The following NINL variants were observed in gnomAD, a reference collection of about 807,000 sequenced individuals.
The protein encoded by NINL is ninein like, also known as ninein-like protein.
A neutral mutation model predicts 160.3 loss-of-function variants in NINL; 153 were observed. The observed-to-expected ratio is 0.95, with a 90% confidence interval of 0.84 to 1.09. The LOEUF (loss-of-function observed/expected upper bound fraction) is 1.09. Among genes scored for constraint, NINL ranks in the 50% least tolerant of loss-of-function variants. The pLI is 0.00. For missense variants in NINL, 1,829 were observed against 1,764.0 expected (o/e 1.04, Z -0.66); for synonymous variants, 800 against 734.8 (o/e 1.09, Z -1.43).
At chr20:25,558,319 TGCCTCAGCCTCCCAAGTAGCTGGGAG>T (rs1402152928) in intron 1 of NINL, among the ~76,000 whole-genome samples, 1 of 152,208 alleles carries the variant, frequency 6.6e-6, no homozygotes, top group Non-Finnish European at 1.5e-5. Flanking sequence ...GCGATTCTCC[TGCCTCAGCCTCCCAAGTAGCTGGGAG>T]GACACACACC....
At chr20:25,562,779 A>C (rs8182757) in intron 1 of NINL, among the ~76,000 whole-genome samples, 50,098 of 151,724 alleles carry the variant, frequency 0.33, 9,304 homozygotes, top group East Asian at 0.91. Context: ...AATAAAAAAA[A>C]AAAAACAAAA....
rs150405501 is a variant in NINL at position 25,526,523 on chromosome 20, G to A, written c.65C>T (p.Thr22Met). Residue 22 changes from threonine (T) to methionine (M), a missense_variant, in exon 2 of 24, where the codon ACG becomes ATG. Transcript: ENST00000278886. Reference protein sequence around the residue: ...LREVYSSCDTTGTGFLDRQEL... With the variant: ...LREVYSSCDTMGTGFLDRQEL... ...CTGGCGGTCCAGAAAGCCAGTCCCC[G>A]TGGTGTCGCAGCTGCTGTAGACTTC... is the stretch of plus-strand genomic sequence containing the variant. The A allele has an allele frequency of 2.4e-5, 39 of 1,614,102 alleles. No homozygotes were observed. In the East Asian group the frequency reaches 3.1e-4, roughly 13 times the overall value.
rs1395862730 is a variant in NINL, at chr20:25,490,114, G to C, written c.1486-129C>G. 3 of 824,916 alleles carry C rather than the reference G, an allele frequency of 3.6e-6. No homozygotes were observed. In the East Asian group the frequency reaches 7.6e-5, roughly 21 times the overall value. 51.1% of individuals were successfully genotyped at this position (824,916 alleles called of 1,614,324 possible). A position where few individuals can be genotyped will look rare whatever the true frequency, so the allele number is the denominator to read the frequency against. ...AAGAACCCCCACCCACCGCAGGCGA[G>C]GCACCTGGTGCTGTGCAGGCGGCTG... On this transcript the variant is annotated intron_variant, in intron 11 of 23. Coordinates refer to ENST00000278886, the MANE Select transcript of NINL (RefSeq NM_025176.6).
chr20:25,461,002 C>A (rs1011977468), intron 21 of NINL, among the ~76,000 whole-genome samples: 3 of 152,198 alleles, frequency 2.0e-5, no homozygotes, highest in Admixed American at 2.0e-4. Context: ...TCCCTGAGGC[C>A]CCTGCTCGGC....
chr20:25,517,610 T>C (rs1331634464), intron 3 of NINL, 143 bp downstream of exon 3: 7 of 630,840 alleles, frequency 1.1e-5, no homozygotes, highest in Non-Finnish European at 1.9e-5. Context: ...TCAAGTGTTT[T>C]TTCCAAGTCC....
intron 1 of NINL, among the ~76,000 whole-genome samples, chr20:25,566,551 T>G (rs2147154152): frequency 6.6e-6 from 1 of 152,274 alleles, no homozygotes; most frequent in African/African-American, 2.4e-5. Context: ...TGGGAAAAAG[T>G]GGACAACATA....
At chr20:25,582,901 A>G (rs1222335024) in intron 1 of NINL, among the ~76,000 whole-genome samples, 1 of 152,246 alleles carries the variant, frequency 6.6e-6, no homozygotes, top group African/African-American at 2.4e-5. Flanking sequence ...CTATTTAATA[A>G]ATTGTGCTGG....
Position 25,491,364 on chromosome 20 carries a change from G to A in NINL, c.1472C>T (p.Thr491Ile). The A allele has an allele frequency of 6.2e-7, 1 of 1,608,842 alleles. No homozygotes were observed. Among genetic ancestry groups the A allele is most frequent in the African/African-American group, 1.3e-5 (1 of 75,032 alleles). ...GGATGCCCCTACCTTCAGGGCCAGG[G>A]TCAGCTTCTCGCGGAGGCCAGCCTC... ...AEEAGLREKLTLALKENSRLQ... is the reference protein window; with the variant it reads ...AEEAGLREKLILALKENSRLQ... Residue 491 changes from threonine to isoleucine, a missense_variant, in exon 11 of 24, where the codon ACC (threonine) becomes ATC (isoleucine). Transcript: ENST00000278886.
intron 5 of NINL, among the ~76,000 whole-genome samples, chr20:25,509,902 C>T (rs922339548): frequency 6.6e-6 from 1 of 152,230 alleles, no homozygotes; most frequent in South Asian, 2.1e-4. Flanking sequence ...AGCCTTTGTT[C>T]CTCTCCCCAG....
chr20:25,463,465 C>T (rs1425095635), intron 19 of NINL, among the ~76,000 whole-genome samples: 1 of 152,122 alleles, frequency 6.6e-6, no homozygotes, highest in African/African-American at 2.4e-5. Context: ...CTCAATAGCA[C>T]CTCCCACAGA....
At position 25,476,734 on chromosome 20, in the gene NINL, A is replaced by G. The variant is rs1488753992; in HGVS notation, c.2557T>C (p.Cys853Arg). The G allele has an allele frequency of 6.2e-7, 1 of 1,606,020 alleles. No homozygotes were observed. Among genetic ancestry groups the G allele is most frequent in the Admixed American group, 1.7e-5 (1 of 59,876 alleles). Residue 853 changes from cysteine to arginine, a missense_variant, in exon 17 of 24, where the codon TGT becomes CGT. Cys to Arg is a radical substitution (Grantham distance 180, BLOSUM62 -3). Coordinates refer to ENST00000278886, the MANE Select transcript of NINL (RefSeq NM_025176.6). ...AGCCAGGCCAGTGGCCGCTCCCCAC[A>G]GCCCGGACGCAGTGGTAGGAGGCCA... ...TRGLLPLRPG[C>R]GERPLAWLAP...
chr20:25,562,282 G>A (rs868358587), intron 1 of NINL, among the ~76,000 whole-genome samples: 14 of 81,176 alleles, frequency 1.7e-4, no homozygotes, highest in South Asian at 8.7e-4. Flanking sequence ...CCACCACCCC[G>A]TCTGGGAGGT....
chr20:25,486,635 G>T (rs2063509525), intron 13 of NINL, among the ~76,000 whole-genome samples: 1 of 151,972 alleles, frequency 6.6e-6, no homozygotes, highest in Admixed American at 6.6e-5. Context: ...GATTTCAAAA[G>T]GAGAATGAGA....
At chr20:25,491,697 G>A (rs987706210) in intron 10 of NINL, among the ~76,000 whole-genome samples, 172 bp from the exon 11 acceptor site, 7 of 152,218 alleles carry the variant, frequency 4.6e-5, no homozygotes, top group African/African-American at 1.7e-4. Context: ...GAGGGTGGGT[G>A]CTCCTCCCTC....
chr20:25,479,953 A>G (rs1337709892), intron 15 of NINL, among the ~76,000 whole-genome samples: 1 of 152,206 alleles, frequency 6.6e-6, no homozygotes, highest in Non-Finnish European at 1.5e-5. Context: ...CCCATCAGTC[A>G]TCCTATGTCC....
chr20:25,486,550 C>T (rs906289627), intron 13 of NINL, among the ~76,000 whole-genome samples: 1 of 152,182 alleles, frequency 6.6e-6, no homozygotes, highest in Non-Finnish European at 1.5e-5. Context: ...TGGACCCCAT[C>T]CGCATGGCAG....
rs760387109 is a variant in NINL at position 25,462,366 on chromosome 20, C to T, written c.3582+17G>A. Reference sequence around the variant, plus strand: ...TCCCAGCCTCCAGCTCAGCTCCCTGCGGCTGAGGCCACCCACCTGCTGCTG... The same window carrying T: ...TCCCAGCCTCCAGCTCAGCTCCCTGTGGCTGAGGCCACCCACCTGCTGCTG... On this transcript the variant is annotated intron_variant, in intron 20 of 23. Coordinates refer to ENST00000278886, the MANE Select transcript of NINL (RefSeq NM_025176.6). The T allele has an allele frequency of 1.2e-5, 14 of 1,170,130 alleles. No homozygotes were observed. Among genetic ancestry groups the T allele is most frequent in the Middle Eastern group, 2.7e-4 (1 of 3,770 alleles). 72.5% of individuals were successfully genotyped at this position (1,170,130 alleles called of 1,614,324 possible).
chr20:25,561,704 G>A (rs1161488534), intron 1 of NINL, among the ~76,000 whole-genome samples: 3 of 149,046 alleles, frequency 2.0e-5, no homozygotes, highest in South Asian at 4.3e-4. Context: ...GGGATGTGAG[G>A]AGCGCCTCGG....
At chr20:25,529,277 A>G (rs2064410476) in intron 1 of NINL, among the ~76,000 whole-genome samples, 1 of 152,078 alleles carries the variant, frequency 6.6e-6, no homozygotes, top group African/African-American at 2.4e-5. Context: ...TGTCTCTTAA[A>G]AAAAAAAATT....
Sources: gnomAD v4.1 joint callset for allele counts (sites outside exome capture counted in the v4.1 genomes callset) on GRCh38, gnomAD v4.1.1 for gene constraint, MANE v1.5 for transcripts, NCBI Gene and HGNC (gene_info 2026-07-23, HGNC 2026-07-21) for gene names.